Variants in NAALADL2 observed in about 807,000 individuals in gnomAD.
NAALADL2 encodes inactive N-acetylated-alpha-linked acidic dipeptidase-like protein 2.
In NAALADL2, 76 loss-of-function variants were observed where a neutral mutation model predicts 87.2. The ratio of observed to expected loss-of-function variants is 0.87; its 90% confidence interval spans 0.72 to 1.05. NAALADL2 has a LOEUF of 1.05. Ranked by LOEUF, NAALADL2 falls within the 50% of genes least tolerant of loss-of-function variation. The probability of loss-of-function intolerance (pLI) is 0.00; values close to 1 mark genes in which losing one functional copy is unlikely to be tolerated. For missense variants in NAALADL2, 1,089 were observed against 945.8 expected (o/e 1.15, Z -1.99); for synonymous variants, 354 against 331.0 (o/e 1.07, Z -0.75).
intron 1 of NAALADL2, among the ~76,000 whole-genome samples, chr3:174,464,843 G>T (rs7632523): frequency 0.42 from 63,884 of 151,666 alleles, 14,512 homozygotes; most frequent in East Asian, 0.88. Context: ...AAATGTTAAT[G>T]GAAATATAAT....
At chr3:175,712,595 C>T (rs566079785) in intron 11 of NAALADL2, among the ~76,000 whole-genome samples, 153 of 152,110 alleles carry the variant, frequency 1.0e-3, no homozygotes, top group African/African-American at 3.4e-3. Context: ...CAACCAAAGA[C>T]GGTGATTATT....
At chr3:174,996,530 G>A (rs1747489458) in intron 1 of NAALADL2, among the ~76,000 whole-genome samples, 1 of 151,874 alleles carries the variant, frequency 6.6e-6, no homozygotes, top group African/African-American at 2.4e-5. Context: ...TTAAGGTCAG[G>A]TCACATTGAA....
intron 10 of NAALADL2, among the ~76,000 whole-genome samples, chr3:175,607,493 A>G (rs1723929915): frequency 2.0e-5 from 3 of 152,066 alleles, no homozygotes; most frequent in Admixed American, 6.5e-5. Context: ...ACCATAAATA[A>G]CCTAATCTCT....
At chr3:175,741,560 TA>T (rs1486972796) in intron 12 of NAALADL2, among the ~76,000 whole-genome samples, 1 of 151,850 alleles carries the variant, frequency 6.6e-6, no homozygotes, top group Non-Finnish European at 1.5e-5. Flanking sequence ...CAAGTTTCTT[TA>T]GATTAGAAAA....
intron 1 of NAALADL2, among the ~76,000 whole-genome samples, chr3:175,092,105 T>G (rs2108328145): frequency 6.6e-6 from 1 of 151,916 alleles, no homozygotes; most frequent in Non-Finnish European, 1.5e-5. Flanking sequence ...TTTGAGCACA[T>G]TAAATAATTT....
intron 1 of NAALADL2, among the ~76,000 whole-genome samples, chr3:174,948,095 A>G (rs1376193526): frequency 2.0e-5 from 3 of 152,134 alleles, no homozygotes; most frequent in Non-Finnish European, 4.4e-5. Flanking sequence ...TTAAAATACA[A>G]AATGTTTCCT....
chr3:174,645,605 G>A (rs1723701429), intron 2 of NAALADL2, among the ~76,000 whole-genome samples: 1 of 152,104 alleles, frequency 6.6e-6, no homozygotes, highest in South Asian at 2.1e-4. Flanking sequence ...GTGCCCTACA[G>A]CATTCAAAGG....
In NAALADL2 at chr3:174,552,848, C is replaced by T. The variant is rs78090696; in HGVS notation, c.-115+2211C>T. Among the ~76,000 whole-genome samples, 8 of 149,908 alleles carry T rather than the reference C, an allele frequency of 5.3e-5. No individual in the cohort carries two copies. The East Asian group carries it at 1.2e-3, about 22-fold the overall frequency. On this transcript the variant is annotated intron_variant, in intron 2 of 3. Coordinates refer to the NAALADL2 transcript ENST00000434257. The stretch of plus-strand genomic sequence containing the variant: ...AATCAATAATGTATGGAGTTAGCAC[C>T]GAATAATTCCTTGTAATTGCACAGT...
At chr3:175,003,420 T>A (rs540969499) in intron 1 of NAALADL2, among the ~76,000 whole-genome samples, 1 of 152,270 alleles carries the variant, frequency 6.6e-6, no homozygotes, top group Non-Finnish European at 1.5e-5. Flanking sequence ...CTAGCAGCAA[T>A]AAACAGAGGC....
chr3:174,567,624 A>C (rs1714441829), intron 2 of NAALADL2, among the ~76,000 whole-genome samples: 1 of 151,670 alleles, frequency 6.6e-6, no homozygotes, highest in South Asian at 2.1e-4. Flanking sequence ...GTTATAGTCA[A>C]ATGACTCAGG....
rs577091743 is a variant in NAALADL2, at chr3:174,505,292, T to A, written c.-183-45277T>A. Among the ~76,000 whole-genome samples, 4 of 152,148 alleles carry A rather than the reference T, an allele frequency of 2.6e-5. No homozygotes were observed. In the East Asian group the frequency reaches 5.8e-4, roughly 22 times the overall value. On this transcript the variant is annotated intron_variant, in intron 1 of 3. Transcript: ENST00000434257. ...TCAGTGGCAGAGTGAAATGAAAAAA[T>A]TGTGAGTTAATAATAGTGATGCCTC...
intron 2 of NAALADL2, among the ~76,000 whole-genome samples, chr3:175,147,429 T>C (rs927943146): frequency 1.3e-5 from 2 of 152,302 alleles, no homozygotes; most frequent in African/African-American, 4.8e-5. Context: ...TTTGTTCTTT[T>C]TTGTGGCTGT....
chr3:174,809,476 A>G (rs1312751696), intron 3 of NAALADL2, among the ~76,000 whole-genome samples: 1 of 152,198 alleles, frequency 6.6e-6, no homozygotes, highest in Non-Finnish European at 1.5e-5. Context: ...AGCACAGTAA[A>G]AAGCTTTGTT....
At chr3:175,466,634 C>T (rs542130829) in intron 7 of NAALADL2, among the ~76,000 whole-genome samples, 1 of 152,168 alleles carries the variant, frequency 6.6e-6, no homozygotes, top group Non-Finnish European at 1.5e-5. Flanking sequence ...ACTGAGCATG[C>T]ATACATTGTT....
chr3:174,642,749 CATATATATATATAT>C (rs71624288), intron 2 of NAALADL2, among the ~76,000 whole-genome samples: 176 of 130,288 alleles, frequency 1.4e-3, no homozygotes, highest in African/African-American at 2.9e-3. Context: ...TGAAAAAAAA[CATATATATATATAT>C]ATATATATAT....
intron 1 of NAALADL2, among the ~76,000 whole-genome samples, chr3:174,964,974 T>C (rs1742660395): frequency 6.6e-6 from 1 of 152,030 alleles, no homozygotes; most frequent in Admixed American, 6.6e-5. Context: ...TACTTATGTA[T>C]TGCTACATCA....
chr3:175,626,455 G>A lies in NAALADL2; in HGVS notation c.1801-836G>A, dbSNP rs73881310. On this transcript the variant is annotated intron_variant, in intron 10 of 13. Transcript: ENST00000454872. ...AATCTTAATTTCTAGAAAGAATAAT[G>A]TAGTTCATAGTTGATGTCTCACTTC... 3.6e-3 allele frequency among the ~76,000 whole-genome samples: 552 copies of A among 151,804 alleles called. 3 individuals are homozygous for A. Among genetic ancestry groups the A allele is most frequent in the African/African-American group, 0.012 (510 of 41,482 alleles).
At chr3:175,243,248 T>G (rs1167904788) in intron 3 of NAALADL2, among the ~76,000 whole-genome samples, 1 of 151,210 alleles carries the variant, frequency 6.6e-6, no homozygotes, top group Non-Finnish European at 1.5e-5. Flanking sequence ...CTATCTCTAA[T>G]GCATAACTGT....
intron 10 of NAALADL2, among the ~76,000 whole-genome samples, chr3:175,610,224 T>C (rs1352708126): frequency 2.0e-5 from 3 of 152,184 alleles, no homozygotes; most frequent in African/African-American, 7.2e-5. Flanking sequence ...TCTAGCTTTC[T>C]TAGCAAATTG....
Sources: allele counts gnomAD v4.1 joint callset (sites outside exome capture counted in the v4.1 genomes callset), GRCh38; gene constraint gnomAD v4.1.1; transcripts MANE v1.5; gene names NCBI Gene and HGNC (gene_info 2026-07-23, HGNC 2026-07-21).